Variants in ROBO2 observed in about 807,000 individuals in gnomAD.
The protein encoded by ROBO2 is roundabout homolog 2.
Under a neutral mutation model 160.8 loss-of-function variants are expected in ROBO2, and 53 were observed. That is an observed-to-expected ratio of 0.33 (90% CI 0.26 to 0.41). The LOEUF (loss-of-function observed/expected upper bound fraction) is 0.41. Ranked by LOEUF, ROBO2 falls within the 10% of genes least tolerant of loss-of-function variation. The pLI, the probability that ROBO2 is intolerant of heterozygous loss-of-function variation, is 1.00. For missense variants in ROBO2, 1,577 were observed against 1,722.4 expected (o/e 0.92, Z 1.49); for synonymous variants, 664 against 611.7 (o/e 1.09, Z -1.26).
At chr3:76,005,655 C>A (rs1033533021) in intron 2 of ROBO2, among the ~76,000 whole-genome samples, 4 of 152,034 alleles carry the variant, frequency 2.6e-5, no homozygotes, top group Non-Finnish European at 5.9e-5. Context: ...ATATAGATAC[C>A]CCTAATTCAG....
intron 2 of ROBO2, among the ~76,000 whole-genome samples, chr3:76,802,954 C>G (rs538298053): frequency 6.6e-5 from 10 of 152,090 alleles, no homozygotes; most frequent in African/African-American, 9.7e-5. Context: ...GGAAGGCTAT[C>G]TAGATAGTTG....
At chr3:77,055,491 G>A (rs1441951879) in intron 1 of ROBO2, among the ~76,000 whole-genome samples, 2 of 152,120 alleles carry the variant, frequency 1.3e-5, no homozygotes, top group Admixed American at 6.6e-5. Flanking sequence ...AGAAAATATG[G>A]TAGACTCATA....
At chr3:76,136,650 C>G (rs1329835201) in intron 2 of ROBO2, among the ~76,000 whole-genome samples, 2 of 151,718 alleles carry the variant, frequency 1.3e-5, no homozygotes. Flanking sequence ...TTATTTATAG[C>G]CTGTGAAGGA....
chr3:76,953,499 G>A (rs1045880050), intron 2 of ROBO2, among the ~76,000 whole-genome samples: 1 of 152,082 alleles, frequency 6.6e-6, no homozygotes, highest in Admixed American at 6.6e-5. Context: ...CTACAAATCT[G>A]CAAATCTATT....
At chr3:76,914,722 C>G (rs1236320122) in intron 2 of ROBO2, among the ~76,000 whole-genome samples, 2 of 151,970 alleles carry the variant, frequency 1.3e-5, no homozygotes, top group African/African-American at 4.8e-5. Context: ...TTGACTACAC[C>G]AAGATGAAGG....
At chr3:76,320,458 C>T (rs1233713747) in intron 2 of ROBO2, among the ~76,000 whole-genome samples, 1 of 152,100 alleles carries the variant, frequency 6.6e-6, no homozygotes, top group Non-Finnish European at 1.5e-5. Flanking sequence ...TTAGGACAGA[C>T]CCTACATATG....
intron 2 of ROBO2, among the ~76,000 whole-genome samples, chr3:76,815,078 A>G (rs903686372): frequency 7.9e-5 from 12 of 152,066 alleles, no homozygotes; most frequent in Admixed American, 2.6e-4. Context: ...AAAAAGGGCT[A>G]CATGTTACAT....
chr3:76,748,071 C>A (rs1487110490), intron 2 of ROBO2, among the ~76,000 whole-genome samples: 1 of 151,890 alleles, frequency 6.6e-6, no homozygotes, highest in South Asian at 2.1e-4. Flanking sequence ...GCTAAGGGGA[C>A]TAGTCAAAAA....
intron 2 of ROBO2, among the ~76,000 whole-genome samples, chr3:77,444,705 A>T (rs1283781634): frequency 6.6e-6 from 1 of 152,140 alleles, no homozygotes; most frequent in African/African-American, 2.4e-5. Flanking sequence ...ATAAAATCCT[A>T]TGTGGGAAAA....
At chr3:77,642,896 G>T (rs778916206) in intron 24 of ROBO2, 11 of 456,548 alleles carry the variant, frequency 2.4e-5, no homozygotes, top group African/African-American at 6.0e-5. Flanking sequence ...TCCACAGAAC[G>T]ACAAGAAGAT....
chr3:76,698,312 G>A (rs1180325303), intron 2 of ROBO2, among the ~76,000 whole-genome samples: 5 of 152,194 alleles, frequency 3.3e-5, no homozygotes, highest in Admixed American at 6.5e-5. Flanking sequence ...CCCTGGCAAA[G>A]TGTTAATGAC....
chr3:77,377,951 T>C (rs1483748912), intron 2 of ROBO2, among the ~76,000 whole-genome samples: 1 of 152,202 alleles, frequency 6.6e-6, no homozygotes, highest in Non-Finnish European at 1.5e-5. Context: ...GGGATAATTT[T>C]TATTTTCTCT....
Position 77,289,757 on chromosome 3 carries a change from A to T in ROBO2, c.389-187657A>T, listed in dbSNP as rs368821488. 3.3e-5 allele frequency among the ~76,000 whole-genome samples: 5 copies of T among 152,060 alleles called. No homozygotes were observed. The East Asian group carries it at 9.7e-4, about 29-fold the overall frequency. The stretch of plus-strand genomic sequence containing the variant: ...CTGAGGCTAGATCACTGAAGACATA[A>T]AGTAAAATTGATGGTTAAATGGGTA... On this transcript the variant is annotated intron_variant, in intron 2 of 25. Coordinates refer to ENST00000461745, the Ensembl canonical transcript of ROBO2.
chr3:76,907,786 T>A (rs545174639), intron 2 of ROBO2, among the ~76,000 whole-genome samples: 4 of 151,756 alleles, frequency 2.6e-5, no homozygotes, highest in African/African-American at 9.7e-5. Flanking sequence ...ATGACCCTCA[T>A]GGATATTCAT....
intron 2 of ROBO2, among the ~76,000 whole-genome samples, chr3:76,274,701 G>T (rs1707815808): frequency 6.6e-6 from 1 of 151,934 alleles, no homozygotes; most frequent in Admixed American, 6.6e-5. Context: ...AGCCGGGCAT[G>T]GTGGCACGCA....
At chr3:76,978,265 T>C (rs778704302) in intron 2 of ROBO2, among the ~76,000 whole-genome samples, 39 of 152,232 alleles carry the variant, frequency 2.6e-4, no homozygotes, top group Non-Finnish European at 5.3e-4. Context: ...TTATCTTAAG[T>C]AACAACTAAT....
intron 5 of ROBO2, among the ~76,000 whole-genome samples, chr3:77,519,737 A>T (rs1342702021): frequency 2.0e-5 from 3 of 151,484 alleles, no homozygotes; most frequent in Non-Finnish European, 4.4e-5. Flanking sequence ...TGCAATAAAT[A>T]TATAAATGCT....
chr3:76,048,039 C>A (rs1261508797), intron 2 of ROBO2, among the ~76,000 whole-genome samples: 1 of 152,096 alleles, frequency 6.6e-6, no homozygotes, highest in Non-Finnish European at 1.5e-5. Context: ...TATTGAATGT[C>A]TGCTTGATAC....
At chr3:76,996,049 T>A (rs2060983634) in intron 2 of ROBO2, among the ~76,000 whole-genome samples, 1 of 152,212 alleles carries the variant, frequency 6.6e-6, no homozygotes, top group African/African-American at 2.4e-5. Flanking sequence ...TGAATGGTAT[T>A]GCCTAGGTTT....
Sources: allele counts gnomAD v4.1 joint callset (sites outside exome capture counted in the v4.1 genomes callset), GRCh38; gene constraint gnomAD v4.1.1; transcripts MANE v1.5; gene names NCBI Gene and HGNC (gene_info 2026-07-23, HGNC 2026-07-21).